Variants in INO80D observed in about 807,000 individuals in gnomAD.
The protein encoded by INO80D is INO80 complex subunit D.
Under a neutral mutation model 87.6 loss-of-function variants are expected in INO80D, and 21 were observed. The observed-to-expected ratio is 0.24, with a 90% CI of 0.17 to 0.35. INO80D has a LOEUF of 0.35. Ranked by LOEUF, INO80D falls within the 10% of genes least tolerant of loss-of-function variation. The pLI, the probability that INO80D is intolerant of heterozygous loss-of-function variation, is 1.00. For synonymous variants in INO80D, 440 were observed against 491.0 expected (o/e 0.90, Z 1.37); for missense variants, 982 against 1,280.7 (o/e 0.77, Z 3.56).
chr2:206,037,885 TG>T (rs1351489075), intron 5 of INO80D, among the ~76,000 whole-genome samples: 3 of 152,180 alleles, frequency 2.0e-5, no homozygotes, highest in African/African-American at 7.2e-5. Context: ...CATAATGGAA[TG>T]CTATTTAGCC....
chr2:206,080,568 T>A (rs1690248237), intron 1 of INO80D, among the ~76,000 whole-genome samples: 1 of 152,200 alleles, frequency 6.6e-6, no homozygotes. Context: ...ATTAGTATTA[T>A]TAATATATAC....
intron 6 of INO80D, chr2:206,025,540 A>ATATATATATATATATATAT: frequency 1.6e-5 from 1 of 63,286 alleles, no homozygotes; most frequent in South Asian, 1.0e-3. Flanking sequence ...AAAAAAAAAA[A>ATATATATATATATATATAT]AAATATATAT....
rs746451463 is a variant in INO80D at position 206,056,905 on chromosome 2, G to A, written c.257C>T (p.Pro86Leu). The A allele has an allele frequency of 5.6e-6, 9 of 1,605,834 alleles. No individual in the cohort carries two copies. The highest frequency in any genetic ancestry group is 4.5e-5 in the East Asian group (2 of 44,670). Residue 86 changes from proline (P) to leucine (L), a missense_variant, in exon 4 of 11, where the codon CCG becomes CTG. By Grantham distance (98) the Pro-to-Leu change is moderately conservative (BLOSUM62 -3). Coordinates refer to ENST00000403263, the MANE Select transcript of INO80D (RefSeq NM_017759.5). ...NSHLQVLGFI[P>L]KKERKKKNDP... ...ATTCTTTTTCTTCCTCTCTTTTTTCGGGATAAAGCCAAGTACCTGCAAGTG... is the reference window on the plus strand; with the variant it reads ...ATTCTTTTTCTTCCTCTCTTTTTTCAGGATAAAGCCAAGTACCTGCAAGTG...
Position 206,062,899 on chromosome 2 carries a change from C to A in INO80D, c.118G>T (p.Val40Phe). ...AAGGGGGCAGTCTTGTCCTCCAGAA[C>A]GTGTCTGATACAGAAGGCGTAGCCG... ...LNGYAFCIRH[V>F]LEDKTAPFKQ... is the part of the protein sequence containing the mutation. The change falls in exon 3 of 11, where the codon GTT (valine) becomes TTT (phenylalanine). Residue 40 changes from valine (V) to phenylalanine (F), a missense_variant. Physicochemically the swap from Val to Phe is conservative, Grantham distance 50. Transcript: ENST00000403263. This position sits in a 1 kb window ranked among gnomAD's most constrained non-coding sequence, Gnocchi z 4.6. 1 of 1,613,500 alleles carries A rather than the reference C, an allele frequency of 6.2e-7. No individual in the cohort carries two copies.
chr2:206,062,818 G>A lies in INO80D; in HGVS notation c.199C>T (p.Pro67Ser). The A allele has an allele frequency of 6.2e-7, 1 of 1,608,354 alleles. No homozygotes were observed. The highest frequency in any genetic ancestry group is 8.5e-7 in the Non-Finnish European group (1 of 1,178,350). The change falls in exon 3 of 11, where the codon CCC becomes TCC. Residue 67 changes from proline (P) to serine (S), a missense_variant. Pro to Ser is a moderately conservative substitution (Grantham distance 74). Coordinates refer to ENST00000403263, the MANE Select transcript of INO80D (RefSeq NM_017759.5). The surrounding 1 kb of genome is among the most constrained non-coding windows in gnomAD (Gnocchi z 4.6). ...CCTTACCTACGATCCTCTGATTTGG[G>A]GATGGGGTTGGTGCAGCGTTGGCTG... ...YNSQRCTNPI[P>S]KSEDRRYCNS...
chr2:206,080,720 A>G (rs111240332), intron 1 of INO80D, among the ~76,000 whole-genome samples: 1 of 151,938 alleles, frequency 6.6e-6, no homozygotes, highest in African/African-American at 2.4e-5. Flanking sequence ...ATCCTGGCTA[A>G]CACGGTGAAA....
At chr2:206,084,002 G>T (rs1301606266) in intron 1 of INO80D, among the ~76,000 whole-genome samples, 1 of 151,862 alleles carries the variant, frequency 6.6e-6, no homozygotes, top group Non-Finnish European at 1.5e-5. Flanking sequence ...CAACAAGGAG[G>T]TAAGCATAGC....
rs781116001 is a variant in INO80D at position 206,017,666 on chromosome 2, G to A, written c.1542+14C>T. 9.0e-6 allele frequency: 14 copies of A among 1,558,036 alleles called. No homozygotes were observed. Among genetic ancestry groups the A allele is most frequent in the Admixed American group, 6.3e-5 (3 of 47,842 alleles). ...AGCTACAAAAAGTTTGAAAGCCTCT[G>A]TTGCAGAACTTACCATTTTTTTGGC... On this transcript the variant is annotated intron_variant, in intron 8 of 10. Coordinates refer to ENST00000403263, the MANE Select transcript of INO80D (RefSeq NM_017759.5).
intron 1 of INO80D, among the ~76,000 whole-genome samples, chr2:206,076,660 C>G (rs910964556): frequency 1.3e-5 from 2 of 152,194 alleles, no homozygotes; most frequent in African/African-American, 4.8e-5. Context: ...ATACTGTACT[C>G]AGACAGCACT....
intron 5 of INO80D, among the ~76,000 whole-genome samples, chr2:206,042,694 A>G (rs549080782): frequency 1.3e-5 from 2 of 151,434 alleles, no homozygotes; most frequent in Admixed American, 6.6e-5. Flanking sequence ...AAAAAAAAAA[A>G]GCCTTTAGGG....
chr2:206,047,821 T>C (rs1689238081), intron 4 of INO80D, among the ~76,000 whole-genome samples: 1 of 151,720 alleles, frequency 6.6e-6, no homozygotes, highest in South Asian at 2.1e-4. Flanking sequence ...AGGATGGTAA[T>C]GTTCTACTAC....
intron 1 of INO80D, among the ~76,000 whole-genome samples, chr2:206,078,301 C>T (rs987921882): frequency 6.6e-6 from 1 of 152,098 alleles, no homozygotes; most frequent in African/African-American, 2.4e-5. Flanking sequence ...CCTGTAGTCC[C>T]AGCTACTCAG....
intron 8 of INO80D, among the ~76,000 whole-genome samples, chr2:206,016,342 CA>C (rs1559434667): frequency 6.6e-6 from 1 of 152,136 alleles, no homozygotes; most frequent in African/African-American, 2.4e-5. Flanking sequence ...TTGTTTTGGC[CA>C]ATTTCTCCCA....
At chr2:206,047,281 T>A (rs1689221453) in intron 4 of INO80D, among the ~76,000 whole-genome samples, 1 of 151,942 alleles carries the variant, frequency 6.6e-6, no homozygotes, top group Non-Finnish European at 1.5e-5. Context: ...CAGTGTGGCA[T>A]GATCTCGGCT....
intron 5 of INO80D, among the ~76,000 whole-genome samples, chr2:206,031,307 A>C (rs1314466520): frequency 6.6e-6 from 1 of 152,112 alleles, no homozygotes; most frequent in African/African-American, 2.4e-5. Context: ...TAAGTGAACT[A>C]ACTCACTTTG....
At position 206,047,857 on chromosome 2, in the gene INO80D, T is replaced by TTTTTTTC. The variant is rs1491581306; in HGVS notation, c.965-1246_965-1245insGAAAAAA. Among the ~76,000 whole-genome samples, 80 of 27,432 alleles carry TTTTTTTC rather than the reference T, an allele frequency of 2.9e-3. 1 individual carries two copies. Among genetic ancestry groups the TTTTTTTC allele is most frequent in the African/African-American group, 4.7e-3 (77 of 16,428 alleles). The allele number at this position is 27,432 out of a possible 152,430, so 18.0% of individuals were successfully genotyped here. On this transcript the variant is annotated intron_variant, in intron 4 of 10. Coordinates refer to ENST00000403263, the MANE Select transcript of INO80D (RefSeq NM_017759.5). Reference sequence around the variant, plus strand: ...TAATGAGGTTTCGGATTTCTTTCAATTTTTTTTTTTTGAGACGGAGTCTCG... The same window carrying TTTTTTTC: ...TAATGAGGTTTCGGATTTCTTTCAATTTTTTTCTTTTTTTTTTTGAGACGGAGTCTCG...
chr2:206,082,753 T>C (rs559718738), intron 1 of INO80D, among the ~76,000 whole-genome samples: 1 of 152,370 alleles, frequency 6.6e-6, no homozygotes, highest in Admixed American at 6.5e-5. Context: ...GTACCAAACC[T>C]GGATAGTGAG....
At chr2:206,025,233 A>G (rs1688572597) in intron 6 of INO80D, among the ~76,000 whole-genome samples, 1 of 151,752 alleles carries the variant, frequency 6.6e-6, no homozygotes, top group African/African-American at 2.4e-5. Context: ...TGTCATATGA[A>G]AATATAATAA....
chr2:206,026,731 T>A (rs995544288), intron 6 of INO80D, among the ~76,000 whole-genome samples: 6 of 151,082 alleles, frequency 4.0e-5, no homozygotes, highest in East Asian at 1.9e-4. Flanking sequence ...TTGTATTTTT[T>A]AAAAATTTTA....
Sources: allele counts gnomAD v4.1 joint callset (sites outside exome capture counted in the v4.1 genomes callset), GRCh38; gene constraint gnomAD v4.1.1; non-coding constraint Gnocchi (gnomAD v3.1); transcripts MANE v1.5; gene names NCBI Gene and HGNC (gene_info 2026-07-23, HGNC 2026-07-21).